Variants in SLCO3A1 observed in about 807,000 individuals in gnomAD.
SLCO3A1 encodes PGE1 transporter.
Under a neutral mutation model 63.1 loss-of-function variants are expected in SLCO3A1, and 27 were observed. The observed-to-expected ratio is 0.43, with a 90% CI of 0.32 to 0.59. The LOEUF (loss-of-function observed/expected upper bound fraction) is 0.59. Among genes scored for constraint, SLCO3A1 ranks in the 20% least tolerant of loss-of-function variants. The probability of loss-of-function intolerance (pLI) is 0.09; values close to 1 mark genes in which losing one functional copy is unlikely to be tolerated. For synonymous variants in SLCO3A1, 473 were observed against 409.9 expected, an observed-to-expected ratio of 1.15 and a Z score of -1.86; for missense variants, 773 against 945.8, an observed-to-expected ratio of 0.82 and a Z score of 2.40.
At chr15:92,071,446 A>G (rs1032478221) in intron 2 of SLCO3A1, among the ~76,000 whole-genome samples, 2 of 152,198 alleles carry the variant, frequency 1.3e-5, no homozygotes, top group African/African-American at 4.8e-5. Flanking sequence ...GATGAAATGA[A>G]AGCTGTAGTC....
intron 2 of SLCO3A1, among the ~76,000 whole-genome samples, chr15:92,059,635 A>G (rs2047062967): frequency 6.6e-6 from 1 of 152,136 alleles, no homozygotes; most frequent in Non-Finnish European, 1.5e-5. Flanking sequence ...CAGTAAGCCT[A>G]GTGGCTGGCT....
chr15:91,997,650 CA>C (rs2046207476), intron 2 of SLCO3A1, among the ~76,000 whole-genome samples: 1 of 152,086 alleles, frequency 6.6e-6, no homozygotes, highest in Non-Finnish European at 1.5e-5. Context: ...GGTACTTATA[CA>C]AAAACAGACT....
intron 3 of SLCO3A1, chr15:92,098,144 G>A (rs1399872645): frequency 6.6e-6 from 1 of 152,286 alleles, no homozygotes; most frequent in East Asian, 1.9e-4. Flanking sequence ...GGTAGATGGA[G>A]GAGAGAAGGC....
chr15:92,016,297 A>AGATG (rs2046436725), intron 2 of SLCO3A1, among the ~76,000 whole-genome samples: 1 of 130,306 alleles, frequency 7.7e-6, no homozygotes, highest in Non-Finnish European at 1.7e-5. Context: ...ATAGATATAT[A>AGATG]TATTATGTAT....
intron 2 of SLCO3A1, among the ~76,000 whole-genome samples, chr15:91,993,187 T>A (rs72755625): frequency 6.6e-6 from 1 of 152,096 alleles, no homozygotes; most frequent in Non-Finnish European, 1.5e-5. Flanking sequence ...CAATTGTCTC[T>A]GGATGCATAC....
intron 1 of SLCO3A1, among the ~76,000 whole-genome samples, chr15:91,903,255 C>G (rs573199009): frequency 6.6e-6 from 1 of 152,326 alleles, no homozygotes; most frequent in Non-Finnish European, 1.5e-5. Flanking sequence ...GGCCTGGTGC[C>G]TCGTTGAGGC....
intron 2 of SLCO3A1, among the ~76,000 whole-genome samples, chr15:92,008,949 G>A (rs1455652519): frequency 6.6e-6 from 1 of 152,172 alleles, no homozygotes; most frequent in Non-Finnish European, 1.5e-5. Context: ...AGATTTTATG[G>A]ATTTCTGATG....
intron 2 of SLCO3A1, among the ~76,000 whole-genome samples, chr15:91,971,141 A>C (rs964870116): frequency 6.6e-6 from 1 of 152,028 alleles, no homozygotes; most frequent in African/African-American, 2.4e-5. Flanking sequence ...CACACCTGTA[A>C]TCTTAGCACT....
chr15:92,025,165 C>T (rs2046556486), intron 2 of SLCO3A1, among the ~76,000 whole-genome samples: 2 of 126,342 alleles, frequency 1.6e-5, no homozygotes, highest in Non-Finnish European at 1.7e-5. Flanking sequence ...CTTAGGTTGT[C>T]CTTTTTTTTT....
rs546131337 is a variant in SLCO3A1 at position 91,984,043 on chromosome 15, C to A, written c.646+67585C>A. Among the ~76,000 whole-genome samples, 40 of 152,306 alleles carry A rather than the reference C, an allele frequency of 2.6e-4. 1 individual carries two copies. Among genetic ancestry groups the A allele is most frequent in the African/African-American group, 9.6e-4 (40 of 41,570 alleles). ...AGGTCAGCGCTGTACCTCTGACCCT[C>A]CCCAACCAAACAAGGGTTCTGTTTA... On this transcript the variant is annotated intron_variant, in intron 2 of 9. Transcript: ENST00000318445.
In SLCO3A1 at chr15:91,853,713, C is replaced by T; in HGVS notation, c.-196C>T. The T allele has an allele frequency of 2.9e-6, 1 of 341,842 alleles. No individual in the cohort carries two copies. Among genetic ancestry groups the T allele is most frequent in the Non-Finnish European group, 4.3e-6 (1 of 234,706 alleles). The allele number at this position is 341,842 out of a possible 1,614,324, so 21.2% of individuals were successfully genotyped here. The stretch of plus-strand genomic sequence containing the variant: ...GGGAGGAGGAGGAGGAAGGGGCGAT[C>T]GCGGCGGCGGCGGCGGCGGCGAGGA... On this transcript the variant is annotated 5_prime_UTR_variant, in exon 1 of 10. Coordinates refer to ENST00000318445, the MANE Select transcript of SLCO3A1 (RefSeq NM_013272.4).
intron 2 of SLCO3A1, among the ~76,000 whole-genome samples, chr15:91,977,344 G>A (rs576972503): frequency 3.3e-5 from 5 of 152,236 alleles, no homozygotes; most frequent in South Asian, 2.1e-4. Flanking sequence ...GAGAAGCGAA[G>A]GAGCTGTCTG....
At chr15:92,106,818 C>T (rs537586137) in intron 4 of SLCO3A1, among the ~76,000 whole-genome samples, 15 of 152,298 alleles carry the variant, frequency 9.8e-5, no homozygotes, top group Non-Finnish European at 1.5e-4. Context: ...CCCACCGCTC[C>T]TGGGCTGGGA....
intron 3 of SLCO3A1, among the ~76,000 whole-genome samples, chr15:92,098,682 G>A (rs2151540544): frequency 6.6e-6 from 1 of 152,272 alleles, no homozygotes; most frequent in South Asian, 2.1e-4. Context: ...TCTCATGGGA[G>A]TGTAGATCCT....
intron 2 of SLCO3A1, among the ~76,000 whole-genome samples, chr15:92,030,152 C>G (rs1371659961): frequency 1.3e-5 from 2 of 152,200 alleles, no homozygotes; most frequent in Non-Finnish European, 2.9e-5. Flanking sequence ...CCTGTTGATT[C>G]TTTCTGTGTG....
At chr15:92,135,814 A>C (rs2048050208) in intron 7 of SLCO3A1, among the ~76,000 whole-genome samples, 1 of 152,170 alleles carries the variant, frequency 6.6e-6, no homozygotes, top group African/African-American at 2.4e-5. Context: ...CACAGGCAAA[A>C]GCAGGAAGAG....
At position 92,006,744 on chromosome 15, in the gene SLCO3A1, C is replaced by T. The variant is rs556615591; in HGVS notation, c.647-88137C>T. Among the ~76,000 whole-genome samples the T allele has an allele frequency of 2.1e-4, 32 of 152,262 alleles. 1 individual carries two copies. The South Asian group carries it at 3.3e-3, about 16-fold the overall frequency. ...GCCCCAAAAGACAAAACATAGTGAG[C>T]GTAATAAACAGGATAGATGTGTCTA... is the stretch of plus-strand genomic sequence containing the variant. On this transcript the variant is annotated intron_variant, in intron 2 of 9. Transcript: ENST00000318445.
intron 1 of SLCO3A1, among the ~76,000 whole-genome samples, chr15:91,871,232 T>A (rs56230907): frequency 0.38 from 58,002 of 152,060 alleles, 11,782 homozygotes; most frequent in East Asian, 0.69. Flanking sequence ...GCCTGAAGAC[T>A]TATGAAATGT....
rs1466902311 is a variant in SLCO3A1 at position 92,165,531 on chromosome 15, CTT to C, written c.*2398_*2399del. 1 of 983,686 alleles carries C rather than the reference CTT, an allele frequency of 1.0e-6. No homozygotes were observed. Among genetic ancestry groups the C allele is most frequent in the East Asian group, 1.1e-4 (1 of 8,798 alleles). 60.9% of individuals were successfully genotyped at this position (983,686 alleles called of 1,614,324 possible). A position where few individuals can be genotyped will look rare whatever the true frequency, so the allele number is the denominator to read the frequency against. ...AAAAAAAAAGAAAGTTTTTTAAACTCTTTGCATTTTGGATTTTTTTTCCTAAG... is the reference window on the plus strand; with the variant it reads ...AAAAAAAAAGAAAGTTTTTTAAACTCTGCATTTTGGATTTTTTTTCCTAAG... On this transcript the variant is annotated 3_prime_UTR_variant, in exon 10 of 10. Coordinates refer to ENST00000318445, the MANE Select transcript of SLCO3A1 (RefSeq NM_013272.4).
Sources: allele counts gnomAD v4.1 joint callset (sites outside exome capture counted in the v4.1 genomes callset), GRCh38; gene constraint gnomAD v4.1.1; transcripts MANE v1.5; gene names NCBI Gene and HGNC (gene_info 2026-07-23, HGNC 2026-07-21).